The following LSAMP variants were observed in gnomAD, a reference collection of about 807,000 sequenced individuals.
LSAMP encodes the protein limbic system-associated membrane protein.
A neutral mutation model predicts 38.6 loss-of-function variants in LSAMP; 7 were observed. The observed-to-expected ratio is 0.18, with a 90% confidence interval of 0.10 to 0.34. The LOEUF (loss-of-function observed/expected upper bound fraction) is 0.34. Ranked by LOEUF, LSAMP falls within the 10% of genes least tolerant of loss-of-function variation. The pLI is 1.00. For synonymous variants in LSAMP, 154 were observed against 166.8 expected (o/e 0.92, Z 0.59); for missense variants, 313 against 420.0 (o/e 0.75, Z 2.23).
At chr3:116,118,928 T>C (rs1692842629) in intron 1 of LSAMP, among the ~76,000 whole-genome samples, 1 of 152,228 alleles carries the variant, frequency 6.6e-6, no homozygotes, top group African/African-American at 2.4e-5. Context: ...ATTTTGTATG[T>C]GCATACAAAT....
At chr3:116,074,533 C>T (rs916843527) in intron 2 of LSAMP, among the ~76,000 whole-genome samples, 3 of 152,088 alleles carry the variant, frequency 2.0e-5, no homozygotes, top group Admixed American at 6.5e-5. Flanking sequence ...TCAAATGATA[C>T]AAATATATTT....
In LSAMP at chr3:116,366,013, T is replaced by TAAAAAAAAAAAAAAAAAA. The variant is rs67452614; in HGVS notation, c.155+78846_155+78863dup. Among the ~76,000 whole-genome samples, 2 of 28,686 alleles carry TAAAAAAAAAAAAAAAAAA rather than the reference T, an allele frequency of 7.0e-5. 1 individual carries two copies. The highest frequency in any genetic ancestry group is 1.2e-4 in the Non-Finnish European group (2 of 16,498). The allele number at this position is 28,686 out of a possible 152,430, so 18.8% of individuals were successfully genotyped here. On this transcript the variant is annotated intron_variant, in intron 1 of 6. Transcript: ENST00000490035. ...ATGTACCCTAAAACTTAGAGTATAA[T>TAAAAAAAAAAAAAAAAAA]AAAAAAAAAAAAAAAAAAAAAAAAA...
chr3:116,278,454 C>A (rs2047082825), intron 1 of LSAMP, among the ~76,000 whole-genome samples: 1 of 152,082 alleles, frequency 6.6e-6, no homozygotes, highest in African/African-American at 2.4e-5. Context: ...GCAAAACAAC[C>A]AAGCAGGAAC....
chr3:115,823,101 G>A (rs189000692), intron 6 of LSAMP, among the ~76,000 whole-genome samples: 41 of 152,174 alleles, frequency 2.7e-4, no homozygotes, highest in African/African-American at 9.7e-4. Flanking sequence ...GTGAAAAAAT[G>A]CTTAAATTGT....
intron 1 of LSAMP, among the ~76,000 whole-genome samples, chr3:116,397,506 T>C (rs1412449706): frequency 6.6e-6 from 1 of 151,960 alleles, no homozygotes; most frequent in Non-Finnish European, 1.5e-5. Context: ...TATTTATTTA[T>C]ATTATTGTCT....
intron 3 of LSAMP, among the ~76,000 whole-genome samples, chr3:115,856,541 C>T (rs899231783): frequency 6.6e-6 from 1 of 151,950 alleles, no homozygotes; most frequent in Non-Finnish European, 1.5e-5. Flanking sequence ...ATTGCTTCAA[C>T]CTGGGAGGCG....
chr3:115,957,818 C>T (rs777581424), intron 3 of LSAMP, among the ~76,000 whole-genome samples: 4 of 152,152 alleles, frequency 2.6e-5, no homozygotes, highest in African/African-American at 4.8e-5. Flanking sequence ...ACATGCTCTT[C>T]TCAAACCATA....
chr3:116,077,789 C>T (rs989810098), intron 2 of LSAMP, among the ~76,000 whole-genome samples: 21 of 152,198 alleles, frequency 1.4e-4, no homozygotes, highest in Admixed American at 1.3e-3. Context: ...ATCTCCTTCA[C>T]TCTTGGGCAG....
At chr3:116,066,249 C>A (rs923850300) in intron 2 of LSAMP, among the ~76,000 whole-genome samples, 2 of 152,122 alleles carry the variant, frequency 1.3e-5, no homozygotes, top group African/African-American at 4.8e-5. Flanking sequence ...AAGTGAGGGT[C>A]GAGCCTAATC....
At chr3:116,377,774 T>G (rs2048512834) in intron 1 of LSAMP, among the ~76,000 whole-genome samples, 1 of 152,052 alleles carries the variant, frequency 6.6e-6, no homozygotes, top group East Asian at 1.9e-4. Flanking sequence ...TATATGTATA[T>G]GTGTGTCAAT....
At chr3:115,922,964 C>T (rs1458880478) in intron 3 of LSAMP, among the ~76,000 whole-genome samples, 1 of 152,208 alleles carries the variant, frequency 6.6e-6, no homozygotes, top group Non-Finnish European at 1.5e-5. Flanking sequence ...TGCTGACTTT[C>T]TGCCAGCACT....
At chr3:116,192,168 T>C (rs746252840) in intron 1 of LSAMP, among the ~76,000 whole-genome samples, 20 of 152,366 alleles carry the variant, frequency 1.3e-4, no homozygotes, top group Middle Eastern at 3.4e-3. Flanking sequence ...TGTCATTGTA[T>C]TGGATATTAA....
chr3:115,996,757 C>T (rs375479777), intron 3 of LSAMP, among the ~76,000 whole-genome samples: 153 of 152,130 alleles, frequency 1.0e-3, no homozygotes, highest in African/African-American at 3.3e-3. Flanking sequence ...ACTATTTGCT[C>T]AGGAAAGGTC....
At chr3:116,270,393 G>GCAGTGTC (rs893333413) in intron 1 of LSAMP, among the ~76,000 whole-genome samples, 70 of 151,812 alleles carry the variant, frequency 4.6e-4, no homozygotes, top group African/African-American at 1.6e-3. Flanking sequence ...AATTCAGGTT[G>GCAGTGTC]CAGTGTCAAA....
chr3:115,915,149 C>A (rs2107512546), intron 3 of LSAMP, among the ~76,000 whole-genome samples: 1 of 152,328 alleles, frequency 6.6e-6, no homozygotes, highest in Middle Eastern at 3.4e-3. Context: ...GGATTTGCTG[C>A]ACCTTTCCAT....
intron 1 of LSAMP, among the ~76,000 whole-genome samples, chr3:116,229,448 A>G (rs1217922090): frequency 6.6e-6 from 1 of 152,126 alleles, no homozygotes; most frequent in Admixed American, 6.5e-5. Context: ...CCAACATACA[A>G]AGCACACATT....
chr3:116,331,202 G>T (rs1175640303), intron 1 of LSAMP, among the ~76,000 whole-genome samples: 2 of 152,056 alleles, frequency 1.3e-5, no homozygotes, highest in Non-Finnish European at 2.9e-5. Context: ...AAACTATCAA[G>T]CCTGAGGAAT....
intron 1 of LSAMP, among the ~76,000 whole-genome samples, chr3:116,121,984 C>A (rs1708886936): frequency 6.6e-6 from 1 of 150,774 alleles, no homozygotes; most frequent in Non-Finnish European, 1.5e-5. Context: ...CCCAGAGAAG[C>A]CAAAAGATTG....
chr3:116,117,447 A>G (rs145507107), intron 1 of LSAMP, among the ~76,000 whole-genome samples: 3 of 152,370 alleles, frequency 2.0e-5, no homozygotes, highest in African/African-American at 7.2e-5. Context: ...ATCTTACATT[A>G]GTATGGTACA....
Sources: gnomAD v4.1 joint callset for allele counts (sites outside exome capture counted in the v4.1 genomes callset) on GRCh38, gnomAD v4.1.1 for gene constraint, MANE v1.5 for transcripts, NCBI Gene and HGNC (gene_info 2026-07-23, HGNC 2026-07-21) for gene names.